SUGCT: variants seen among roughly 807,000 people sequenced by gnomAD.
SUGCT encodes the protein succinyl-CoA:glutarate-CoA transferase, also known as succinyl-CoA:glutarate CoA-transferase.
In SUGCT, 41 loss-of-function variants were observed where a neutral mutation model predicts 55.0. The observed-to-expected ratio is 0.74, with a 90% confidence interval of 0.58 to 0.97. The LOEUF (loss-of-function observed/expected upper bound fraction) is 0.97, where lower values mean the gene tolerates loss of function less well. Among genes scored for constraint, SUGCT ranks in the 50% least tolerant of loss-of-function variants. SUGCT has a pLI of 0.00. For synonymous variants in SUGCT, 187 were observed against 200.4 expected (o/e 0.93, Z 0.56); for missense variants, 568 against 547.8 (o/e 1.04, Z -0.37).
intron 12 of SUGCT, among the ~76,000 whole-genome samples, chr7:40,733,048 G>A (rs957542923): frequency 3.3e-5 from 5 of 152,124 alleles, no homozygotes; most frequent in East Asian, 1.9e-4. Context: ...CAGCCTGGGC[G>A]ACAGAGCAAG....
intron 10 of SUGCT, among the ~76,000 whole-genome samples, chr7:40,450,412 C>CTT (rs529151274): frequency 1.0e-4 from 14 of 138,858 alleles, no homozygotes; most frequent in African/African-American, 3.7e-4. Context: ...GGATTTTTTT[C>CTT]TTTTTTTTTT....
At chr7:40,355,220 G>A (rs1797833228) in intron 9 of SUGCT, among the ~76,000 whole-genome samples, 1 of 152,216 alleles carries the variant, frequency 6.6e-6, no homozygotes, top group African/African-American at 2.4e-5. Flanking sequence ...CAAAGGCTGT[G>A]AGCCCCAGTG....
In SUGCT at chr7:40,414,938, G is replaced by A. The variant is rs532925160; in HGVS notation, c.817-34349G>A. On this transcript the variant is annotated intron_variant, in intron 9 of 13. Coordinates refer to ENST00000335693, the MANE Select transcript of SUGCT (RefSeq NM_001193313.2). The stretch of plus-strand genomic sequence containing the variant: ...CAGGCGCCCATAATCCAAGCTACTC[G>A]GGAGGCTGAGGTAGGAGAATTGCTA... Among the ~76,000 whole-genome samples, 5 of 151,470 alleles carry A rather than the reference G, an allele frequency of 3.3e-5. No individual in the cohort carries two copies. In the South Asian group the frequency reaches 8.4e-4, roughly 25 times the overall value.
At chr7:40,364,898 C>A (rs1173459308) in intron 9 of SUGCT, among the ~76,000 whole-genome samples, 1 of 152,082 alleles carries the variant, frequency 6.6e-6, no homozygotes, top group African/African-American at 2.4e-5. Flanking sequence ...GGGAATCCTC[C>A]CTAATTCATT....
At chr7:40,997,291 C>T in the SUGCT span, among the ~76,000 whole-genome samples, 1 of 152,208 alleles carries the variant, frequency 6.6e-6, no homozygotes, top group Admixed American at 6.5e-5. Flanking sequence ...TGCACACCCA[C>T]TGCCACTGCA....
chr7:40,637,961 A>G (rs947481483), intron 12 of SUGCT, among the ~76,000 whole-genome samples: 3 of 152,186 alleles, frequency 2.0e-5, no homozygotes, highest in Non-Finnish European at 4.4e-5. Context: ...TTGCATTATT[A>G]TCTGTCCTGA....
intron 1 of SUGCT, among the ~76,000 whole-genome samples, chr7:40,141,637 CAA>C (rs58487461): frequency 6.8e-4 from 39 of 57,128 alleles, no homozygotes; most frequent in African/African-American, 1.5e-3. Context: ...GACTCCATCT[CAA>C]AAAAAAAAAA....
intron 12 of SUGCT, among the ~76,000 whole-genome samples, chr7:40,661,583 C>T (rs948312228): frequency 2.0e-5 from 3 of 152,112 alleles, no homozygotes; most frequent in African/African-American, 4.8e-5. Flanking sequence ...CCTAAATTTT[C>T]CCCTCTCATT....
chr7:40,350,382 C>T (rs927778939), intron 9 of SUGCT, among the ~76,000 whole-genome samples: 13 of 151,170 alleles, frequency 8.6e-5, no homozygotes, highest in African/African-American at 2.7e-4. Context: ...GGCACGATCT[C>T]AGTTCACTGC....
At chr7:40,788,566 C>A (rs931740872) in intron 13 of SUGCT, among the ~76,000 whole-genome samples, 2 of 152,118 alleles carry the variant, frequency 1.3e-5, no homozygotes, top group African/African-American at 2.4e-5. Flanking sequence ...TAAAGAAGGA[C>A]CAAATGGAAA....
intron 9 of SUGCT, among the ~76,000 whole-genome samples, chr7:40,384,359 A>G (rs1292990502): frequency 6.6e-6 from 1 of 152,158 alleles, no homozygotes; most frequent in Non-Finnish European, 1.5e-5. Flanking sequence ...CCCAGCGTGT[A>G]AGAAAGTGAA....
At chr7:40,403,350 A>G (rs1424282534) in intron 9 of SUGCT, among the ~76,000 whole-genome samples, 1 of 152,202 alleles carries the variant, frequency 6.6e-6, no homozygotes, top group African/African-American at 2.4e-5. Flanking sequence ...GTCATGAAGA[A>G]TGAAAGCTGA....
At chr7:40,655,944 T>C (rs1372569646) in intron 12 of SUGCT, among the ~76,000 whole-genome samples, 5 of 152,112 alleles carry the variant, frequency 3.3e-5, no homozygotes, top group African/African-American at 1.2e-4. Flanking sequence ...ACATATTGCC[T>C]TTGGAAAAAT....
chr7:40,147,318 C>T (rs773483702), intron 1 of SUGCT, among the ~76,000 whole-genome samples: 3 of 152,136 alleles, frequency 2.0e-5, no homozygotes, highest in Admixed American at 1.3e-4. Context: ...GAGGTTCAAC[C>T]CCCCCATCAT....
intron 13 of SUGCT, among the ~76,000 whole-genome samples, chr7:40,856,873 A>T (rs1399416143): frequency 6.6e-6 from 1 of 152,188 alleles, no homozygotes. Context: ...TTAAAATCAA[A>T]CAAAATTCCC....
chr7:40,806,405 A>G lies in SUGCT; in HGVS notation c.1154-53911A>G, dbSNP rs1010147172. On this transcript the variant is annotated intron_variant, in intron 13 of 13. Transcript: ENST00000335693. The stretch of plus-strand genomic sequence containing the variant: ...GGAATTTTTTGAACATTGAGATTCA[A>G]GTCAGCCTTAGTGTTCCCTTCTCAA... 5.9e-5 allele frequency among the ~76,000 whole-genome samples: 9 copies of G among 152,294 alleles called. 1 individual carries two copies. In the East Asian group the frequency reaches 1.7e-3, roughly 29 times the overall value.
intron 9 of SUGCT, among the ~76,000 whole-genome samples, chr7:40,324,252 A>AATATATATATAT (rs61431155): frequency 8.5e-5 from 10 of 117,648 alleles, no homozygotes; most frequent in African/African-American, 3.6e-4. Context: ...TAAATAAATA[A>AATATATATATAT]ATATATATAT....
intron 12 of SUGCT, among the ~76,000 whole-genome samples, chr7:40,640,780 A>T (rs1207133570): frequency 3.9e-5 from 6 of 152,212 alleles, no homozygotes; most frequent in Admixed American, 2.6e-4. Context: ...AGTAGAATGC[A>T]AGTCTTTCTT....
At chr7:40,554,143 T>C (rs1795442550) in intron 12 of SUGCT, among the ~76,000 whole-genome samples, 1 of 152,252 alleles carries the variant, frequency 6.6e-6, no homozygotes, top group Admixed American at 6.5e-5. Flanking sequence ...CAATAAATGT[T>C]GTAAGGCATG....
Sources: gnomAD v4.1 joint callset for allele counts (sites outside exome capture counted in the v4.1 genomes callset) on GRCh38, gnomAD v4.1.1 for gene constraint, MANE v1.5 for transcripts, NCBI Gene and HGNC (gene_info 2026-07-23, HGNC 2026-07-21) for gene names.